Variants in GAB1 observed in about 807,000 individuals in gnomAD.
GAB1 encodes GRB2 associated binding protein 1.
Under a neutral mutation model 66.5 loss-of-function variants are expected in GAB1, and 19 were observed. The ratio of observed to expected loss-of-function variants is 0.29; its 90% CI spans 0.20 to 0.42. GAB1 has a LOEUF of 0.42. Ranked by LOEUF, GAB1 falls within the 10% of genes least tolerant of loss-of-function variation. The pLI is 1.00. For missense variants in GAB1, 732 were observed against 858.5 expected, an observed-to-expected ratio of 0.85 and a Z score of 1.84; for synonymous variants, 294 against 301.4, an observed-to-expected ratio of 0.98 and a Z score of 0.25.
rs1257586177 is a variant in GAB1, at chr4:143,470,520, C to G, written c.*1331C>G. 6.6e-6 allele frequency: 1 copy of G among 152,216 alleles called. No homozygotes were observed. Among genetic ancestry groups the G allele is most frequent in the Non-Finnish European group, 1.5e-5 (1 of 68,044 alleles). The allele number at this position is 152,216 out of a possible 1,614,324, so 9.4% of individuals were successfully genotyped here. A position where few individuals can be genotyped will look rare whatever the true frequency, so the allele number is the denominator to read the frequency against. On this transcript the variant is annotated 3_prime_UTR_variant, in exon 10 of 10. Coordinates refer to ENST00000262994, the MANE Select transcript of GAB1 (RefSeq NM_002039.4). The stretch of plus-strand genomic sequence containing the variant: ...TGGTATAATTCTGTCTCACCTATAA[C>G]ATGGTCCTGTGACATAGATATTAAG...
chr4:143,388,454 G>A (rs746114624), intron 1 of GAB1, among the ~76,000 whole-genome samples: 3 of 152,128 alleles, frequency 2.0e-5, no homozygotes, highest in Non-Finnish European at 2.9e-5. Context: ...TCGCTCTGTC[G>A]CCCAGGCTGG....
In GAB1 at chr4:143,438,610, A is replaced by G; in HGVS notation, c.1195+10A>G. On this transcript the variant is annotated intron_variant, in intron 4 of 9. Transcript: ENST00000262994. ...AACAAATTGCGAAAAGGTCAGCTCT[A>G]GTTGACTTCTTCTCTATTAGAGGTT... 1.2e-6 allele frequency: 2 copies of G among 1,608,100 alleles called. No individual in the cohort carries two copies. The highest frequency in any genetic ancestry group is 1.7e-6 in the Non-Finnish European group (2 of 1,177,218).
intron 1 of GAB1, among the ~76,000 whole-genome samples, chr4:143,340,840 T>C (rs1005912289): frequency 1.4e-4 from 21 of 152,324 alleles, no homozygotes; most frequent in Admixed American, 5.2e-4. Flanking sequence ...CCATCTCATA[T>C]ATGGCCCCCA....
chr4:143,368,731 T>C (rs1729989175), intron 1 of GAB1, among the ~76,000 whole-genome samples: 1 of 152,232 alleles, frequency 6.6e-6, no homozygotes, highest in Admixed American at 6.5e-5. Context: ...TTTGTTTGCT[T>C]GCTGCGATAC....
chr4:143,415,833 T>TAG, intron 2 of GAB1, 62 bp downstream of exon 2: 2 of 1,239,230 alleles, frequency 1.6e-6, no homozygotes, highest in Non-Finnish European at 2.3e-6. Flanking sequence ...TCCAGAAATG[T>TAG]CATACAATTC....
chr4:143,447,018 G>A lies in GAB1; in HGVS notation c.1585+6636G>A, dbSNP rs537661139. ...AGTTTCAGCTTTCTACATGTGGCTA[G>A]CCAGTTTTCCCAGCACCATTTATTA... On this transcript the variant is annotated intron_variant, in intron 6 of 9. Transcript: ENST00000262994. Among the ~76,000 whole-genome samples the A allele has an allele frequency of 1.1e-4, 16 of 152,190 alleles. No homozygotes were observed. In the South Asian group the frequency reaches 3.1e-3, roughly 30 times the overall value.
intron 1 of GAB1, among the ~76,000 whole-genome samples, chr4:143,351,013 C>G (rs945404029): frequency 3.9e-5 from 6 of 152,168 alleles, no homozygotes; most frequent in African/African-American, 1.4e-4. Flanking sequence ...TCTAGGGGAG[C>G]ATACAGACCG....
chr4:143,451,389 G>T (rs933314149), intron 6 of GAB1, among the ~76,000 whole-genome samples: 1 of 152,174 alleles, frequency 6.6e-6, no homozygotes, highest in Non-Finnish European at 1.5e-5. Flanking sequence ...ATGCCTTGCA[G>T]GTTCCTGGTC....
intron 1 of GAB1, chr4:143,343,315 T>C (rs1427200154): frequency 6.6e-6 from 1 of 152,666 alleles, no homozygotes; most frequent in Non-Finnish European, 1.5e-5. Context: ...AAATCTTTAC[T>C]ATTTATCTTA....
intron 1 of GAB1, among the ~76,000 whole-genome samples, chr4:143,398,998 G>T (rs1731606289): frequency 2.0e-5 from 3 of 152,186 alleles, no homozygotes; most frequent in Admixed American, 2.0e-4. Flanking sequence ...CTAGATGAGT[G>T]TGCTTTCTGA....
chr4:143,348,696 C>G (rs300917), intron 1 of GAB1, among the ~76,000 whole-genome samples: 93,639 of 152,146 alleles, frequency 0.62, 28,945 homozygotes, highest in East Asian at 0.74. Flanking sequence ...GCTGTTCTGC[C>G]GCGCTCTTTT....
At position 143,440,278 on chromosome 4, in the gene GAB1, A is replaced by G; in HGVS notation, c.1481A>G (p.His494Arg). The G allele has an allele frequency of 3.1e-6, 5 of 1,614,124 alleles. No individual in the cohort carries two copies. The highest frequency in any genetic ancestry group is 4.2e-6 in the Non-Finnish European group (5 of 1,179,988). Reference sequence around the variant, plus strand: ...GGAATGCAAGTTCCTCCTCCTGCTCATATGGGCTTCAGGTCCAGCCCAAAA... The same window carrying G: ...GGAATGCAAGTTCCTCCTCCTGCTCGTATGGGCTTCAGGTCCAGCCCAAAA... Reference protein sequence around the residue: ...SFGMQVPPPAHMGFRSSPKTP... With the variant: ...SFGMQVPPPARMGFRSSPKTP... Residue 494 changes from histidine to arginine, a missense_variant, in exon 6 of 10, where the codon CAT becomes CGT. Transcript: ENST00000262994.
chr4:143,384,391 A>G (rs1730801111), intron 1 of GAB1, among the ~76,000 whole-genome samples: 1 of 152,236 alleles, frequency 6.6e-6, no homozygotes. Context: ...AATTTGAAGT[A>G]AGGTTAAAGT....
intron 1 of GAB1, among the ~76,000 whole-genome samples, chr4:143,415,110 C>T (rs1732609943): frequency 6.6e-6 from 1 of 152,212 alleles, no homozygotes; most frequent in African/African-American, 2.4e-5. Flanking sequence ...TTTCACTTAG[C>T]ATAATGTCCA....
At chr4:143,410,090 G>A (rs1458354308) in intron 1 of GAB1, among the ~76,000 whole-genome samples, 1 of 149,702 alleles carries the variant, frequency 6.7e-6, no homozygotes, top group Non-Finnish European at 1.5e-5. Context: ...TATTTCTAAT[G>A]TGCATTCAGG....
At chr4:143,388,394 T>C (rs1259114897) in intron 1 of GAB1, among the ~76,000 whole-genome samples, 1 of 152,174 alleles carries the variant, frequency 6.6e-6, no homozygotes, top group Admixed American at 6.5e-5. Flanking sequence ...CCTGGAGGAA[T>C]TTAAGTGCAA....
At chr4:143,393,688 T>A (rs1378355359) in intron 1 of GAB1, among the ~76,000 whole-genome samples, 1 of 152,206 alleles carries the variant, frequency 6.6e-6, no homozygotes, top group Non-Finnish European at 1.5e-5. Context: ...AAGACCATTT[T>A]TCTGATTTCT....
At chr4:143,378,629 G>GTCCC (rs371039665) in intron 1 of GAB1, among the ~76,000 whole-genome samples, 6 of 129,150 alleles carry the variant, frequency 4.6e-5, no homozygotes, top group Admixed American at 1.6e-4. Flanking sequence ...CTTCCAAAGT[G>GTCCC]TCTCTCTCTC....
intron 1 of GAB1, among the ~76,000 whole-genome samples, chr4:143,359,121 A>G (rs1252654037): frequency 2.0e-5 from 3 of 152,204 alleles, no homozygotes; most frequent in Admixed American, 2.0e-4. Flanking sequence ...AACAGTACTT[A>G]AGGAGTGATG....
Sources: gnomAD v4.1 joint callset for allele counts (sites outside exome capture counted in the v4.1 genomes callset) on GRCh38, gnomAD v4.1.1 for gene constraint, MANE v1.5 for transcripts, NCBI Gene and HGNC (gene_info 2026-07-23, HGNC 2026-07-21) for gene names.